LPP: variants seen among roughly 807,000 people sequenced by gnomAD.
The protein encoded by LPP is lipoma-preferred partner.
LPP carries 38 observed loss-of-function variants against 60.4 expected under a neutral mutation model. That is an observed-to-expected ratio of 0.63 (90% CI 0.49 to 0.83). LPP has a LOEUF of 0.83. Among genes scored for constraint, LPP ranks in the 40% least tolerant of loss-of-function variants. The probability of loss-of-function intolerance (pLI) is 0.00; values close to 1 mark genes in which losing one functional copy is unlikely to be tolerated. For synonymous variants in LPP, 328 were observed against 290.8 expected, an observed-to-expected ratio of 1.13 and a Z score of -1.30; for missense variants, 902 against 783.6, an observed-to-expected ratio of 1.15 and a Z score of -1.80.
At chr3:188,833,730 C>T (rs1005194492) in intron 9 of LPP, among the ~76,000 whole-genome samples, 2 of 152,104 alleles carry the variant, frequency 1.3e-5, no homozygotes, top group African/African-American at 4.8e-5. Context: ...TTCCCTACAA[C>T]CACGAACCAC....
intron 6 of LPP, among the ~76,000 whole-genome samples, chr3:188,529,538 A>T (rs1560525354): frequency 6.6e-6 from 1 of 152,234 alleles, no homozygotes; most frequent in Non-Finnish European, 1.5e-5. Context: ...CTCCATTCTC[A>T]AAACAAGTCT....
At chr3:188,551,397 G>A (rs966161888) in intron 6 of LPP, among the ~76,000 whole-genome samples, 2 of 152,166 alleles carry the variant, frequency 1.3e-5, no homozygotes, top group Non-Finnish European at 2.9e-5. Context: ...TAAAAGTCAA[G>A]ATGAGATTTG....
At chr3:188,821,076 A>G (rs1753829025) in intron 9 of LPP, among the ~76,000 whole-genome samples, 2 of 151,276 alleles carry the variant, frequency 1.3e-5, no homozygotes, top group South Asian at 2.1e-4. Context: ...TCATGTTTAG[A>G]TTTCTGATAC....
intron 2 of LPP, among the ~76,000 whole-genome samples, chr3:188,318,792 T>C (rs1341056446): frequency 7.5e-6 from 1 of 132,792 alleles, no homozygotes; most frequent in Non-Finnish European, 1.6e-5. Context: ...GGAGTCTCGC[T>C]CTGTCGCCCA....
intron 6 of LPP, among the ~76,000 whole-genome samples, chr3:188,606,597 G>A (rs927592194): frequency 1.3e-5 from 2 of 152,002 alleles, no homozygotes; most frequent in East Asian, 3.9e-4. Context: ...CTGCTTGAAG[G>A]TGGTCCCAAT....
intron 7 of LPP, among the ~76,000 whole-genome samples, chr3:188,645,800 A>G (rs1850999673): frequency 1.3e-5 from 2 of 151,418 alleles, no homozygotes; most frequent in Non-Finnish European, 2.9e-5. Flanking sequence ...TGATTGACAA[A>G]TATAAGTTCA....
At position 188,877,483 on chromosome 3, in the gene LPP, A is replaced by T. The variant is rs890573557; in HGVS notation, c.*3004A>T. ...AGAACATATCAAAATAGGATTTCTT[A>T]AATTTTTCAACCCCCAGACCATACT... On this transcript the variant is annotated 3_prime_UTR_variant, in exon 12 of 12. Coordinates refer to ENST00000617246, the MANE Select transcript of LPP (RefSeq NM_001375462.1). The T allele has an allele frequency of 1.1e-5, 2 of 186,926 alleles. No homozygotes were observed. The highest frequency in any genetic ancestry group is 2.3e-5 in the Non-Finnish European group (2 of 88,464). The allele number at this position is 186,926 out of a possible 1,614,324, so 11.6% of individuals were successfully genotyped here.
intron 2 of LPP, among the ~76,000 whole-genome samples, chr3:188,304,355 A>G (rs1429305052): frequency 6.6e-6 from 1 of 152,194 alleles, no homozygotes; most frequent in African/African-American, 2.4e-5. Flanking sequence ...TCTGAAGCCT[A>G]AAAGGTGGGC....
At chr3:188,747,748 C>T (rs933887639) in intron 8 of LPP, among the ~76,000 whole-genome samples, 4 of 151,852 alleles carry the variant, frequency 2.6e-5, no homozygotes, top group African/African-American at 4.8e-5. Flanking sequence ...ATAACTGTTC[C>T]CTAGACGTCA....
intron 1 of LPP, among the ~76,000 whole-genome samples, chr3:188,160,678 C>T (rs1363442717): frequency 6.6e-6 from 1 of 152,206 alleles, no homozygotes; most frequent in Non-Finnish European, 1.5e-5. Flanking sequence ...TCAGATACAA[C>T]TCAATTTCAT....
intron 9 of LPP, among the ~76,000 whole-genome samples, chr3:188,810,808 T>G (rs927711364): frequency 6.6e-6 from 1 of 152,076 alleles, no homozygotes; most frequent in African/African-American, 2.4e-5. Flanking sequence ...ATTGTATGGG[T>G]GGGAGTGGTG....
At chr3:188,665,911 A>G (rs1413147347) in intron 7 of LPP, among the ~76,000 whole-genome samples, 1 of 152,244 alleles carries the variant, frequency 6.6e-6, no homozygotes, top group Non-Finnish European at 1.5e-5. Flanking sequence ...TGCATTTAGT[A>G]TATAATTTTA....
intron 4 of LPP, among the ~76,000 whole-genome samples, chr3:188,410,460 A>G (rs957117016): frequency 6.6e-6 from 1 of 152,214 alleles, no homozygotes; most frequent in African/African-American, 2.4e-5. Context: ...GGGTACCCAT[A>G]TTTATAATTT....
intron 2 of LPP, among the ~76,000 whole-genome samples, chr3:188,240,639 A>T (rs2149454279): frequency 6.6e-6 from 1 of 152,240 alleles, no homozygotes; most frequent in South Asian, 2.1e-4. Context: ...CTTTCATATA[A>T]AAAAGCGTAA....
intron 6 of LPP, among the ~76,000 whole-genome samples, chr3:188,593,821 G>A (rs529060923): frequency 3.9e-4 from 59 of 152,214 alleles, no homozygotes; most frequent in Non-Finnish European, 2.6e-4. Context: ...TGTATACACC[G>A]TAGTTTCTTT....
At chr3:188,178,901 C>T (rs1294480450) in intron 1 of LPP, 2 of 238,560 alleles carry the variant, frequency 8.4e-6, no homozygotes, top group East Asian at 2.3e-4. Flanking sequence ...TGAGAGAGTC[C>T]ATCATCATTG....
intron 1 of LPP, among the ~76,000 whole-genome samples, chr3:188,172,601 G>T (rs1233523873): frequency 6.6e-6 from 1 of 152,016 alleles, no homozygotes; most frequent in Non-Finnish European, 1.5e-5. Flanking sequence ...TTTAATTTTG[G>T]AGTAATTTTA....
rs536569774 is a variant in LPP at position 188,384,619 on chromosome 3, G to A, written c.-9-21493G>A. 1.4e-3 allele frequency among the ~76,000 whole-genome samples: 216 copies of A among 151,710 alleles called. 1 individual carries two copies. The highest frequency in any genetic ancestry group is 5.2e-3 in the South Asian group (25 of 4,790). ...ATCCTGGCCAACATGGTGAAACCCC[G>A]CCTCTACTAAAAATTCAAAAATCAG... On this transcript the variant is annotated intron_variant, in intron 3 of 11. Transcript: ENST00000617246.
chr3:188,543,516 G>A (rs1366393816), intron 6 of LPP, among the ~76,000 whole-genome samples: 2 of 152,124 alleles, frequency 1.3e-5, no homozygotes, highest in African/African-American at 2.4e-5. Context: ...CCTTGCTTAG[G>A]TGGTTTTTAA....
Sources: allele counts gnomAD v4.1 joint callset (sites outside exome capture counted in the v4.1 genomes callset), GRCh38; gene constraint gnomAD v4.1.1; transcripts MANE v1.5; gene names NCBI Gene and HGNC (gene_info 2026-07-23, HGNC 2026-07-21).